Variants in ACTR3C observed in about 807,000 individuals in gnomAD.
The protein encoded by ACTR3C is actin related protein 3C.
A neutral mutation model predicts 26.3 loss-of-function variants in ACTR3C; 18 were observed. The observed-to-expected ratio is 0.68, with a 90% CI of 0.47 to 1.01. The LOEUF is 1.01. Among genes scored for constraint, ACTR3C ranks in the 50% least tolerant of loss-of-function variants. The probability of loss-of-function intolerance (pLI) is 0.00; values close to 1 mark genes in which losing one functional copy is unlikely to be tolerated. For synonymous variants in ACTR3C, 55 were observed against 94.5 expected (o/e 0.58, Z 2.42); for missense variants, 184 against 250.7 (o/e 0.73, Z 1.80).
the ACTR3C span, among the ~76,000 whole-genome samples, chr7:150,157,357 A>C: frequency 1.3e-5 from 2 of 151,094 alleles, no homozygotes; most frequent in African/African-American, 4.9e-5. Context: ...CACATGAATA[A>C]TTTCTACACT....
the ACTR3C span, among the ~76,000 whole-genome samples, chr7:149,941,575 C>T: frequency 1.3e-5 from 2 of 152,236 alleles, no homozygotes; most frequent in African/African-American, 2.4e-5. Flanking sequence ...GCCACATAAC[C>T]GAGTTCAGGG....
In ACTR3C at chr7:150,305,263, T is replaced by C. The variant is rs578107673; in HGVS notation, c.-51-9916A>G. Among the ~76,000 whole-genome samples, 11 of 152,272 alleles carry C rather than the reference T, an allele frequency of 7.2e-5. No homozygotes were observed. In the South Asian group the frequency reaches 2.3e-3, roughly 32 times the overall value. On this transcript the variant is annotated intron_variant, in intron 1 of 7. Coordinates refer to ENST00000683684, the MANE Select transcript of ACTR3C (RefSeq NM_001164458.2). ...TTTCATGGGTGGTTTTGACTATACA[T>C]ATCTCCTTACATAATTTTAAGAACC...
chr7:149,926,030 T>C, the ACTR3C span, among the ~76,000 whole-genome samples: 1 of 151,886 alleles, frequency 6.6e-6, no homozygotes, highest in Non-Finnish European at 1.5e-5. Context: ...GCCGCCGCAC[T>C]CTAGCATGGG....
chr7:150,318,633 A>C (rs1265048086), intron 1 of ACTR3C, among the ~76,000 whole-genome samples: 1 of 152,184 alleles, frequency 6.6e-6, no homozygotes, highest in Non-Finnish European at 1.5e-5. Flanking sequence ...GTGGTGGTGC[A>C]GAGCTGTAGT....
At chr7:150,019,344 G>A in the ACTR3C span, among the ~76,000 whole-genome samples, 2 of 149,816 alleles carry the variant, frequency 1.3e-5, no homozygotes, top group Non-Finnish European at 1.5e-5. Context: ...CTGTAATCCC[G>A]ACACTTTGGG....
At chr7:149,900,417 C>T in the ACTR3C span, among the ~76,000 whole-genome samples, 18 of 151,928 alleles carry the variant, frequency 1.2e-4, no homozygotes, top group Non-Finnish European at 1.9e-4. Flanking sequence ...CCTCATGACC[C>T]GCCTGCCTCT....
chr7:150,120,995 C>T, the ACTR3C span, among the ~76,000 whole-genome samples: 3 of 152,308 alleles, frequency 2.0e-5, no homozygotes, highest in African/African-American at 7.2e-5. Flanking sequence ...CCACGATTAT[C>T]TCAATAGATG....
At chr7:150,117,432 T>C in the ACTR3C span, among the ~76,000 whole-genome samples, 2 of 152,166 alleles carry the variant, frequency 1.3e-5, no homozygotes, top group Admixed American at 1.3e-4. Context: ...CTTGAGTACA[T>C]GGTTTTCCCC....
chr7:150,288,300 G>GAAAGCCCCTCCTTGGCAGTGTTGCTCAGC, intron 4 of ACTR3C, among the ~76,000 whole-genome samples: 1 of 150,456 alleles, frequency 6.6e-6, no homozygotes. Flanking sequence ...TGAGGGTCAG[G>GAAAGCCCCTCCTTGGCAGTGTTGCTCAGC]AAAGCCCCTC....
At chr7:149,898,355 C>T in the ACTR3C span, among the ~76,000 whole-genome samples, 2 of 152,220 alleles carry the variant, frequency 1.3e-5, no homozygotes, top group African/African-American at 4.8e-5. Flanking sequence ...ATCCTCTAGG[C>T]AAGATCAAAC....
the ACTR3C span, among the ~76,000 whole-genome samples, chr7:149,966,863 T>C: frequency 6.8e-6 from 1 of 147,346 alleles, no homozygotes; most frequent in Non-Finnish European, 1.5e-5. Context: ...TCTTTCCTTT[T>C]TTTTTGTGTG....
At chr7:150,120,746 A>T in the ACTR3C span, among the ~76,000 whole-genome samples, 4 of 152,232 alleles carry the variant, frequency 2.6e-5, no homozygotes, top group Non-Finnish European at 5.9e-5. Context: ...TGAGGCCAGC[A>T]TCATCCTGAT....
intron 2 of ACTR3C, among the ~76,000 whole-genome samples, chr7:150,294,819 C>A (rs1371242438): frequency 2.6e-5 from 4 of 151,558 alleles, no homozygotes; most frequent in Admixed American, 2.6e-4. Flanking sequence ...AGAACCGCAG[C>A]TTCAGAACAA....
chr7:150,252,348 A>G (rs1160606296), intron 6 of ACTR3C, among the ~76,000 whole-genome samples: 1 of 152,164 alleles, frequency 6.6e-6, no homozygotes, highest in Admixed American at 6.5e-5. Context: ...TACATTGCAA[A>G]CAAATTTATA....
the ACTR3C span, among the ~76,000 whole-genome samples, chr7:150,207,696 T>C: frequency 2.0e-5 from 3 of 152,104 alleles, no homozygotes; most frequent in African/African-American, 7.2e-5. Context: ...ATGAAAAAGT[T>C]TGGAAAAGTG....
chr7:150,100,179 C>T, the ACTR3C span, among the ~76,000 whole-genome samples: 10 of 151,694 alleles, frequency 6.6e-5, no homozygotes, highest in African/African-American at 2.2e-4. Flanking sequence ...TGCATTCTCT[C>T]GCCTACTTGA....
chr7:149,902,961 GAGTAC>G, the ACTR3C span, among the ~76,000 whole-genome samples: 1 of 22,158 alleles, frequency 4.5e-5, no homozygotes, highest in African/African-American at 6.3e-5. Flanking sequence ...AAGAAAGAAA[GAGTAC>G]AAATGTCCAA....
At chr7:150,220,077 G>A in the ACTR3C span, among the ~76,000 whole-genome samples, 1 of 147,312 alleles carries the variant, frequency 6.8e-6, no homozygotes, top group Non-Finnish European at 1.5e-5. Flanking sequence ...CAACCCCTGC[G>A]ATCCGCCAAC....
rs529163361 is a variant in ACTR3C at position 150,269,674 on chromosome 7, C to A, written c.564+15079G>T. ...AGCGCTCGGTAAGCAGGGGCCCTCC[C>A]CAGGCATCGTGGAATGAACGAGGAG... On this transcript the variant is annotated intron_variant, in intron 6 of 7. Coordinates refer to ENST00000683684, the MANE Select transcript of ACTR3C (RefSeq NM_001164458.2). Among the ~76,000 whole-genome samples the A allele has an allele frequency of 5.5e-3, 592 of 107,874 alleles. 9 individuals are homozygous for A. The highest frequency in any genetic ancestry group is 0.025 in the African/African-American group (556 of 22,098). 70.8% of individuals were successfully genotyped at this position (107,874 alleles called of 152,430 possible). A position where few individuals can be genotyped will look rare whatever the true frequency, so the allele number is the denominator to read the frequency against.
Sources: gnomAD v4.1 joint callset for allele counts (sites outside exome capture counted in the v4.1 genomes callset) on GRCh38, gnomAD v4.1.1 for gene constraint, MANE v1.5 for transcripts, NCBI Gene and HGNC (gene_info 2026-07-23, HGNC 2026-07-21) for gene names.